The following RAB37 variants were observed in gnomAD, a reference collection of about 807,000 sequenced individuals.
RAB37 encodes ras-related protein Rab-37.
A neutral mutation model predicts 33.1 loss-of-function variants in RAB37; 29 were observed. The ratio of observed to expected loss-of-function variants is 0.88; its 90% CI spans 0.65 to 1.20. RAB37 has a LOEUF of 1.20. RAB37 is among the 50% of genes most tolerant of loss of function. RAB37 has a pLI of 0.00. For synonymous variants in RAB37, 128 were observed against 119.5 expected (o/e 1.07, Z -0.47); for missense variants, 299 against 301.1 (o/e 0.99, Z 0.05).
At chr17:74,725,216 C>T (rs986498256) in intron 1 of RAB37, among the ~76,000 whole-genome samples, 2 of 152,114 alleles carry the variant, frequency 1.3e-5, no homozygotes, top group African/African-American at 4.8e-5. Context: ...ACAAGCTCCT[C>T]TCCTTCTCCT....
chr17:74,729,161 T>C lies in RAB37; in HGVS notation c.73-95T>C. 1 of 811,868 alleles carries C rather than the reference T, an allele frequency of 1.2e-6. No homozygotes were observed. The highest frequency in any genetic ancestry group is 2.4e-5 in the East Asian group (1 of 40,826). 50.3% of individuals were successfully genotyped at this position (811,868 alleles called of 1,614,324 possible). The stretch of plus-strand genomic sequence containing the variant: ...TGTGTGTGCATGTTGTGCACATGCG[T>C]GCTTAGAAAGAATCCACTCCCACAG... On this transcript the variant is annotated intron_variant, in intron 1 of 7. Transcript: ENST00000340415. This position sits in a 1 kb window ranked among gnomAD's most constrained non-coding sequence, Gnocchi z 4.2.
rs1454314188 is a variant in RAB37, at chr17:74,740,097, G to C, written c.94-671G>C. 2.0e-5 allele frequency among the ~76,000 whole-genome samples: 3 copies of C among 151,516 alleles called. No individual in the cohort carries two copies. The East Asian group carries it at 5.9e-4, about 30-fold the overall frequency. ...TTTAAACCTGGGAGGTGGAGGTTGT[G>C]GTGAGCCAAGATCTCGCCATTGCAC... On this transcript the variant is annotated intron_variant, in intron 1 of 8. Transcript: ENST00000392613.
At chr17:74,737,834 C>A (rs1167879635) in intron 1 of RAB37, among the ~76,000 whole-genome samples, 1 of 152,194 alleles carries the variant, frequency 6.6e-6, no homozygotes, top group Non-Finnish European at 1.5e-5. Flanking sequence ...TGATGTCCCC[C>A]AGCTGCTCCC....
chr17:74,733,486 G>A (rs113128324), upstream of RAB37, among the ~76,000 whole-genome samples: 126 of 1,380 alleles, frequency 0.091, no homozygotes, highest in Middle Eastern at 0.1. Context: ...GGTGTGAGGT[G>A]TGTGGTGTGA....
chr17:74,681,911 C>T (rs2031962852), intron 1 of RAB37, among the ~76,000 whole-genome samples: 1 of 152,224 alleles, frequency 6.6e-6, no homozygotes, highest in Admixed American at 6.5e-5. Context: ...TCCTGACCAC[C>T]TTCTGCCCTG....
Position 74,745,314 on chromosome 17 carries a change from A to C in RAB37, c.575A>C (p.Lys192Thr). The C allele has an allele frequency of 1.2e-6, 2 of 1,614,026 alleles. No individual in the cohort carries two copies. Among genetic ancestry groups the C allele is most frequent in the Non-Finnish European group, 1.7e-6 (2 of 1,180,002 alleles). ...ATTGTCTCTTCTTCAAGGGAACTGA[A>C]ATACCGGGCCGGGCATCAGGCGGAT... ...LAFLAIAKEL[K>T]YRAGHQADEP... Residue 192 changes from lysine to threonine, a missense_variant, in exon 9 of 9, where the codon AAA becomes ACA. Lys to Thr is a moderately conservative substitution (Grantham distance 78). Coordinates refer to ENST00000392613, the MANE Select transcript of RAB37 (RefSeq NM_001006638.3). The surrounding 1 kb of genome is among the most constrained non-coding windows in gnomAD (Gnocchi z 4.5).
intron 1 of RAB37, chr17:74,695,870 G>A (rs1021468831): frequency 9.9e-6 from 16 of 1,611,234 alleles, no homozygotes; most frequent in Non-Finnish European, 1.4e-5. Flanking sequence ...CTGGGACAGG[G>A]AACACAGGCT....
upstream of RAB37, among the ~76,000 whole-genome samples, chr17:74,734,999 GAAAA>G (rs141700502): frequency 2.5e-4 from 24 of 95,930 alleles, no homozygotes; most frequent in East Asian, 9.2e-4. Flanking sequence ...AAGGAAGAAA[GAAAA>G]AGAAAGGAAG....
intron 1 of RAB37, among the ~76,000 whole-genome samples, chr17:74,708,796 G>A (rs1057382834): frequency 4.6e-5 from 7 of 151,710 alleles, no homozygotes; most frequent in African/African-American, 1.2e-4. Flanking sequence ...GGCGCCTGTA[G>A]TCCCAGCTAC....
At chr17:74,697,188 C>T (rs1472433148) in intron 1 of RAB37, among the ~76,000 whole-genome samples, 2 of 152,162 alleles carry the variant, frequency 1.3e-5, no homozygotes, top group African/African-American at 2.4e-5. Context: ...AAGTGATCCA[C>T]CCGCCTCAAC....
chr17:74,746,873 G>A lies in RAB37; in HGVS notation c.*1462G>A, dbSNP rs1598334062. 6.6e-6 allele frequency: 1 copy of A among 152,192 alleles called. No homozygotes were observed. Among genetic ancestry groups the A allele is most frequent in the Non-Finnish European group, 1.5e-5 (1 of 68,058 alleles). 9.4% of individuals were successfully genotyped at this position (152,192 alleles called of 1,614,324 possible). Reference sequence around the variant, plus strand: ...GTGGTGGGAGGTCACCCATTTCCGAGTTAAACCAATGCAATATGAGTAAAA... The same window carrying A: ...GTGGTGGGAGGTCACCCATTTCCGAATTAAACCAATGCAATATGAGTAAAA... On this transcript the variant is annotated 3_prime_UTR_variant, in exon 9 of 9. Coordinates refer to ENST00000392613, the MANE Select transcript of RAB37 (RefSeq NM_001006638.3). The surrounding 1 kb of genome is among the most constrained non-coding windows in gnomAD (Gnocchi z 5.2).
At chr17:74,728,806 T>A (rs546156281) in intron 1 of RAB37, among the ~76,000 whole-genome samples, 8 of 152,268 alleles carry the variant, frequency 5.3e-5, no homozygotes, top group African/African-American at 1.9e-4. Flanking sequence ...TGTGCATACA[T>A]GTGTACATGT....
At chr17:74,714,222 C>T (rs2034121120) in intron 1 of RAB37, among the ~76,000 whole-genome samples, 2 of 151,802 alleles carry the variant, frequency 1.3e-5, no homozygotes, top group Admixed American at 6.6e-5. Context: ...AAAATAATAA[C>T]AATAATAATA....
At chr17:74,727,898 C>G (rs750666794) in intron 1 of RAB37, among the ~76,000 whole-genome samples, 2 of 151,110 alleles carry the variant, frequency 1.3e-5, no homozygotes, top group South Asian at 2.1e-4. Flanking sequence ...GTGTGTATAT[C>G]TGTGCATGTG....
chr17:74,678,145 T>C (rs891416997), intron 1 of RAB37, among the ~76,000 whole-genome samples: 1 of 152,114 alleles, frequency 6.6e-6, no homozygotes, highest in Non-Finnish European at 1.5e-5. Context: ...AGAGAAACAG[T>C]CTGTAGAGAC....
chr17:74,731,768 G>A lies in RAB37; in HGVS notation c.183+2402G>A, dbSNP rs181177331. On this transcript the variant is annotated intron_variant, in intron 2 of 7. Transcript: ENST00000340415. ...CACACCTGTAATCCCAGCACTTTGGGAGGCCGAGGCGGGCGGATCACTTGA... is the reference window on the plus strand; with the variant it reads ...CACACCTGTAATCCCAGCACTTTGGAAGGCCGAGGCGGGCGGATCACTTGA... Among the ~76,000 whole-genome samples the A allele has an allele frequency of 1.1e-3, 169 of 152,228 alleles. 1 individual carries two copies. The highest frequency in any genetic ancestry group is 3.8e-3 in the African/African-American group (156 of 41,542).
At chr17:74,698,437 G>T in intron 1 of RAB37, 1 of 1,614,028 alleles carries the variant, frequency 6.2e-7, no homozygotes, top group Non-Finnish European at 8.5e-7. Context: ...CAGCAATATG[G>T]TGAAGATGAG....
intron 1 of RAB37, among the ~76,000 whole-genome samples, chr17:74,708,496 T>C (rs1340342475): frequency 1.3e-5 from 2 of 152,152 alleles, no homozygotes; most frequent in African/African-American, 2.4e-5. Context: ...ATATCACTCA[T>C]TAACATAAAT....
chr17:74,745,038 G>A lies in RAB37; in HGVS notation c.520G>A (p.Ala174Thr), dbSNP rs754889461. ...CGGTGTTCCCTTCCTGGAGACCAGC[G>A]CCAAGACTGGCATGAATGTGGAGTT... ...EYGVPFLETS[A>T]KTGMNVELAF... Residue 174 changes from alanine to threonine, a missense_variant, in exon 8 of 9, where the codon GCC becomes ACC. Ala to Thr is a moderately conservative substitution (Grantham distance 58, BLOSUM62 0). Transcript: ENST00000392613. This position sits in a 1 kb window ranked among gnomAD's most constrained non-coding sequence, Gnocchi z 4.5. 3.1e-6 allele frequency: 5 copies of A among 1,614,102 alleles called. No individual in the cohort carries two copies. The African/African-American group carries it at 4.0e-5, about 13-fold the overall frequency.
Sources: gnomAD v4.1 joint callset for allele counts (sites outside exome capture counted in the v4.1 genomes callset) on GRCh38, gnomAD v4.1.1 for gene constraint, Gnocchi (gnomAD v3.1) non-coding constraint, MANE v1.5 for transcripts, NCBI Gene and HGNC (gene_info 2026-07-23, HGNC 2026-07-21) for gene names.